RBFOX1: variants seen among roughly 807,000 people sequenced by gnomAD.
RBFOX1 encodes the protein RNA binding fox-1 homolog 1.
RBFOX1 carries 8 observed loss-of-function variants against 57.7 expected under a neutral mutation model. The ratio of observed to expected loss-of-function variants is 0.14; its 90% CI spans 0.08 to 0.25. The LOEUF (loss-of-function observed/expected upper bound fraction) is 0.25, where lower values mean the gene tolerates loss of function less well. RBFOX1 is among the 10% of genes least tolerant of loss of function. The pLI is 1.00. For synonymous variants in RBFOX1, 326 were observed against 222.4 expected, an observed-to-expected ratio of 1.47 and a Z score of -4.15; for missense variants, 611 against 548.5, an observed-to-expected ratio of 1.11 and a Z score of -1.14.
chr16:7,399,180 G>A (rs776942037), intron 4 of RBFOX1, among the ~76,000 whole-genome samples: 1 of 152,228 alleles, frequency 6.6e-6, no homozygotes, highest in Admixed American at 6.5e-5. Flanking sequence ...AGGTGCGGTA[G>A]CTCACGCCTG....
At chr16:6,370,865 A>G (rs572532224) in intron 2 of RBFOX1, among the ~76,000 whole-genome samples, 1 of 152,360 alleles carries the variant, frequency 6.6e-6, no homozygotes, top group East Asian at 1.9e-4. Flanking sequence ...ACAATTTTTT[A>G]CAAGAGAGTG....
intron 1 of RBFOX1, among the ~76,000 whole-genome samples, chr16:6,311,826 A>G (rs1316981131): frequency 2.6e-5 from 4 of 152,064 alleles, no homozygotes; most frequent in Admixed American, 6.5e-5. Flanking sequence ...CTTCCTGTCT[A>G]GTTCACTTCT....
intron 1 of RBFOX1, among the ~76,000 whole-genome samples, chr16:5,314,193 G>C (rs2064168177): frequency 6.6e-6 from 1 of 152,240 alleles, no homozygotes; most frequent in South Asian, 2.1e-4. Context: ...AGGTCATGCA[G>C]TGGGTATTGG....
At chr16:5,759,515 C>G (rs758516011) in intron 3 of RBFOX1, among the ~76,000 whole-genome samples, 1 of 152,196 alleles carries the variant, frequency 6.6e-6, no homozygotes, top group African/African-American at 2.4e-5. Context: ...CACCTTCAGC[C>G]CATGCAAATT....
At chr16:6,137,748 G>A (rs570927692) in intron 1 of RBFOX1, among the ~76,000 whole-genome samples, 3 of 151,276 alleles carry the variant, frequency 2.0e-5, no homozygotes, top group South Asian at 4.2e-4. Flanking sequence ...CAAGTAGTTG[G>A]ATGTATGCAC....
chr16:6,879,700 A>G (rs887298679), intron 3 of RBFOX1, among the ~76,000 whole-genome samples: 10 of 152,142 alleles, frequency 6.6e-5, no homozygotes, highest in Non-Finnish European at 1.2e-4. Flanking sequence ...GTTTAATTGT[A>G]ATATTCTTTT....
Position 5,882,027 on chromosome 16 carries a change from C to G in RBFOX1, c.351+14692C>G, listed in dbSNP as rs533470848. 1.3e-4 allele frequency among the ~76,000 whole-genome samples: 20 copies of G among 152,206 alleles called. No individual in the cohort carries two copies. The South Asian group carries it at 4.2e-3, about 32-fold the overall frequency. On this transcript the variant is annotated intron_variant, in intron 4 of 19. Coordinates refer to the RBFOX1 transcript ENST00000641259. ...TTTACATACTTAATCTCAATTATTC[C>G]CCACCACATTCCTATCAGGTCAGTA...
At position 6,863,249 on chromosome 16, in the gene RBFOX1, C is replaced by G. The variant is rs547006305; in HGVS notation, c.-15-188808C>G. Among the ~76,000 whole-genome samples the G allele has an allele frequency of 3.9e-5, 6 of 152,166 alleles. No individual in the cohort carries two copies. In the East Asian group the frequency reaches 7.7e-4, roughly 20 times the overall value. On this transcript the variant is annotated intron_variant, in intron 3 of 15. Coordinates refer to ENST00000550418, the MANE Select transcript of RBFOX1 (RefSeq NM_018723.4). ...CATTCCAACCTAAAGGCAAGACCCTCAAGGTTGGAGACGAAGTATCTTCTG... is the reference window on the plus strand; with the variant it reads ...CATTCCAACCTAAAGGCAAGACCCTGAAGGTTGGAGACGAAGTATCTTCTG...
chr16:6,967,067 C>T (rs2084414856), intron 3 of RBFOX1, among the ~76,000 whole-genome samples: 2 of 152,166 alleles, frequency 1.3e-5, no homozygotes, highest in Non-Finnish European at 1.5e-5. Flanking sequence ...ATCCATATAT[C>T]TATACATTCA....
chr16:5,349,349 T>G (rs930320452), intron 1 of RBFOX1, among the ~76,000 whole-genome samples: 3 of 152,200 alleles, frequency 2.0e-5, no homozygotes, highest in African/African-American at 7.2e-5. Context: ...TACAACATTT[T>G]CCCATAGTTA....
chr16:5,904,483 A>G (rs987965414), intron 4 of RBFOX1, among the ~76,000 whole-genome samples: 1 of 151,874 alleles, frequency 6.6e-6, no homozygotes, highest in African/African-American at 2.4e-5. Context: ...TGAGAGAGAA[A>G]AATCAAGACA....
intron 4 of RBFOX1, among the ~76,000 whole-genome samples, chr16:7,080,566 C>T (rs936456681): frequency 6.6e-6 from 1 of 152,158 alleles, no homozygotes; most frequent in African/African-American, 2.4e-5. Flanking sequence ...CTGACCTGTT[C>T]AGAGATTCCT....
At chr16:5,272,259 G>A (rs1382414496) in intron 1 of RBFOX1, among the ~76,000 whole-genome samples, 5 of 152,172 alleles carry the variant, frequency 3.3e-5, no homozygotes, top group Non-Finnish European at 7.3e-5. Flanking sequence ...TTAGGGGATG[G>A]ACATGTTAAT....
chr16:6,889,834 C>A (rs757964654), intron 3 of RBFOX1, among the ~76,000 whole-genome samples: 2 of 152,210 alleles, frequency 1.3e-5, no homozygotes, highest in Non-Finnish European at 2.9e-5. Flanking sequence ...TTCACAGACA[C>A]AGCAGGAAAC....
At chr16:7,593,945 G>T (rs1047974083) in intron 7 of RBFOX1, among the ~76,000 whole-genome samples, 1 of 152,106 alleles carries the variant, frequency 6.6e-6, no homozygotes, top group East Asian at 1.9e-4. Flanking sequence ...CTGTTGAAAA[G>T]TTCCGTTAGC....
In RBFOX1 at chr16:7,712,315, TTCAG is replaced by T. The variant is rs1327554874; in HGVS notation, c.*1572_*1575del. ...ACAGTGCAGGCCCTGTGGCCCGCAC[TTCAG>T]TAAGTTATCAACTCTCACCGCTGTG... On this transcript the variant is annotated 3_prime_UTR_variant, in exon 16 of 16. Coordinates refer to ENST00000550418, the MANE Select transcript of RBFOX1 (RefSeq NM_018723.4). 1 of 152,696 alleles carries T rather than the reference TTCAG, an allele frequency of 6.5e-6. No homozygotes were observed. Among genetic ancestry groups the T allele is most frequent in the East Asian group, 1.9e-4 (1 of 5,160 alleles). The allele number at this position is 152,696 out of a possible 1,614,324, so 9.5% of individuals were successfully genotyped here. A position where few individuals can be genotyped will look rare whatever the true frequency, so the allele number is the denominator to read the frequency against.
chr16:5,442,219 G>T (rs1223130245), intron 1 of RBFOX1, among the ~76,000 whole-genome samples: 1 of 152,200 alleles, frequency 6.6e-6, no homozygotes, highest in Non-Finnish European at 1.5e-5. Context: ...CACATTTGAG[G>T]GGGAGGATGT....
At position 7,652,357 on chromosome 16, in the gene RBFOX1, ACCT is replaced by A. The variant is rs142746311; in HGVS notation, c.758-1453_758-1451del. ...TAATTCCCCTTCCTAACTCCTCCTC[ACCT>A]CCTCATCTTGCTCAGAGAATTTTAC... On this transcript the variant is annotated intron_variant, in intron 11 of 15. Transcript: ENST00000550418. 7.3e-3 allele frequency among the ~76,000 whole-genome samples: 1,114 copies of A among 151,982 alleles called. 13 individuals are homozygous for A. The highest frequency in any genetic ancestry group is 0.025 in the African/African-American group (1,043 of 41,412).
chr16:5,338,521 C>G (rs1036711081), intron 1 of RBFOX1, among the ~76,000 whole-genome samples: 4 of 152,202 alleles, frequency 2.6e-5, no homozygotes, highest in African/African-American at 7.2e-5. Context: ...ACCTTCTTGA[C>G]AGATTTCCAG....
Sources: gnomAD v4.1 joint callset for allele counts (sites outside exome capture counted in the v4.1 genomes callset) on GRCh38, gnomAD v4.1.1 for gene constraint, MANE v1.5 for transcripts, NCBI Gene and HGNC (gene_info 2026-07-23, HGNC 2026-07-21) for gene names.